Variants in IL36RN observed in about 807,000 individuals in gnomAD.
IL36RN encodes interleukin-36 receptor antagonist protein.
A neutral mutation model predicts 13.0 loss-of-function variants in IL36RN; 11 were observed. That is an observed-to-expected ratio of 0.85 (90% CI 0.53 to 1.40). The LOEUF is 1.40. Ranked by LOEUF, IL36RN falls within the 40% of genes most tolerant of loss-of-function variation. The pLI is 0.00. For missense variants in IL36RN, 195 were observed against 195.3 expected (o/e 1.00, Z 0.01); for synonymous variants, 94 against 84.1 (o/e 1.12, Z -0.64).
At position 113,062,782 on chromosome 2, in the gene IL36RN, C is replaced by T. The variant is rs3207835; in HGVS notation, c.*105C>T. On this transcript the variant is annotated 3_prime_UTR_variant, in exon 5 of 5. Coordinates refer to ENST00000393200, the MANE Select transcript of IL36RN (RefSeq NM_012275.3). ...ACTCTCTCTGCTCTCAGGACCCCCA[C>T]GTCTGACTTAGTGGGCACCTGACCA... The T allele has an allele frequency of 3.8e-5, 39 of 1,034,902 alleles. No individual in the cohort carries two copies. The Admixed American group carries it at 4.8e-4, about 13-fold the overall frequency. 64.1% of individuals were successfully genotyped at this position (1,034,902 alleles called of 1,614,324 possible). A position where few individuals can be genotyped will look rare whatever the true frequency, so the allele number is the denominator to read the frequency against.
Position 113,063,012 on chromosome 2 carries a change from C to T in IL36RN, c.*335C>T. On this transcript the variant is annotated 3_prime_UTR_variant, in exon 5 of 5. Transcript: ENST00000393200. ...CTTAATGGTAACTGACCAGTGTTAC[C>T]CTGAGCCCCGCAGGCCAACCCATCC... The T allele has an allele frequency of 2.6e-6, 1 of 381,230 alleles. No homozygotes were observed. Among genetic ancestry groups the T allele is most frequent in the Non-Finnish European group, 5.1e-6 (1 of 197,886 alleles). The allele number at this position is 381,230 out of a possible 1,614,324, so 23.6% of individuals were successfully genotyped here.
At chr2:113,060,709 A>G in intron 2 of IL36RN, 143 bp from the exon 3 acceptor site, 1 of 711,030 alleles carries the variant, frequency 1.4e-6, no homozygotes, top group South Asian at 1.5e-5. Context: ...CAGGGCTGGG[A>G]GACAAGGCTG....
Position 113,062,790 on chromosome 2 carries a change from T to C in IL36RN, c.*113T>C. 1.1e-6 allele frequency: 1 copy of C among 944,198 alleles called. No individual in the cohort carries two copies. The allele number at this position is 944,198 out of a possible 1,614,324, so 58.5% of individuals were successfully genotyped here. A position where few individuals can be genotyped will look rare whatever the true frequency, so the allele number is the denominator to read the frequency against. On this transcript the variant is annotated 3_prime_UTR_variant, in exon 5 of 5. Transcript: ENST00000393200. ...TGCTCTCAGGACCCCCACGTCTGAC[T>C]TAGTGGGCACCTGACCACTTTGTCT...
rs1489293188 is a variant in IL36RN at position 113,062,960 on chromosome 2, G to T, written c.*283G>T. 2 of 439,142 alleles carry T rather than the reference G, an allele frequency of 4.6e-6. No homozygotes were observed. Among genetic ancestry groups the T allele is most frequent in the Non-Finnish European group, 4.2e-6 (1 of 235,468 alleles). The allele number at this position is 439,142 out of a possible 1,614,324, so 27.2% of individuals were successfully genotyped here. A position where few individuals can be genotyped will look rare whatever the true frequency, so the allele number is the denominator to read the frequency against. On this transcript the variant is annotated 3_prime_UTR_variant, in exon 5 of 5. Coordinates refer to ENST00000393200, the MANE Select transcript of IL36RN (RefSeq NM_012275.3). Reference sequence around the variant, plus strand: ...ATGAAAAGATTTCTGTGGAGGTGGGGTGGGGGAGTGGTGGGAATCATTCCT... The same window carrying T: ...ATGAAAAGATTTCTGTGGAGGTGGGTTGGGGGAGTGGTGGGAATCATTCCT...
In IL36RN at chr2:113,063,334, T is replaced by C. The variant is rs988709014; in HGVS notation, c.*657T>C. On this transcript the variant is annotated 3_prime_UTR_variant, in exon 5 of 5. Transcript: ENST00000393200. Reference sequence around the variant, plus strand: ...CCCAAGATACAATCAAAATCCCAGATGCTGGTCTCTATTCCCATGAAAAAG... The same window carrying C: ...CCCAAGATACAATCAAAATCCCAGACGCTGGTCTCTATTCCCATGAAAAAG... 1 of 157,504 alleles carries C rather than the reference T, an allele frequency of 6.3e-6. No homozygotes were observed. Among genetic ancestry groups the C allele is most frequent in the Admixed American group, 6.0e-5 (1 of 16,782 alleles). 9.8% of individuals were successfully genotyped at this position (157,504 alleles called of 1,614,324 possible).
rs1010398336 is a variant in IL36RN, at chr2:113,064,079, G to T, written c.*1402G>T. 2 of 152,110 alleles carry T rather than the reference G, an allele frequency of 1.3e-5. No individual in the cohort carries two copies. The highest frequency in any genetic ancestry group is 1.3e-4 in the Admixed American group (2 of 15,272). The allele number at this position is 152,110 out of a possible 1,614,324, so 9.4% of individuals were successfully genotyped here. ...GAGGACACAGAGACAGAGGAGATGC[G>T]GGGAAGACTATGTAAAGATGAAGGC... On this transcript the variant is annotated 3_prime_UTR_variant, in exon 5 of 5. Coordinates refer to ENST00000393200, the MANE Select transcript of IL36RN (RefSeq NM_012275.3).
At position 113,064,124 on chromosome 2, in the gene IL36RN, C is replaced by T. The variant is rs1443224541; in HGVS notation, c.*1447C>T. ...GAAGGCAGAGATCGGAGTTTTGCAG[C>T]CACAAGCTAAGAAACACCAAGGATT... On this transcript the variant is annotated 3_prime_UTR_variant, in exon 5 of 5. Coordinates refer to ENST00000393200, the MANE Select transcript of IL36RN (RefSeq NM_012275.3). 1.3e-5 allele frequency: 2 copies of T among 152,042 alleles called. No individual in the cohort carries two copies. The highest frequency in any genetic ancestry group is 3.9e-4 in the East Asian group (2 of 5,194). The allele number at this position is 152,042 out of a possible 1,614,324, so 9.4% of individuals were successfully genotyped here.
At chr2:113,060,794 C>T in intron 2 of IL36RN, 58 bp from the exon 3 acceptor site, 1 of 1,209,982 alleles carries the variant, frequency 8.3e-7, no homozygotes, top group South Asian at 1.2e-5. Flanking sequence ...GGATCCAGGG[C>T]ATGCTGGAGT....
intron 3 of IL36RN, among the ~76,000 whole-genome samples, chr2:113,061,590 G>A (rs1685640368): frequency 6.6e-6 from 1 of 151,680 alleles, no homozygotes; most frequent in Non-Finnish European, 1.5e-5. Flanking sequence ...GTGCATGCAT[G>A]TATCTGTGTG....
chr2:113,062,153 T>C lies in IL36RN; in HGVS notation c.145T>C (p.Trp49Arg). The C allele has an allele frequency of 6.2e-7, 1 of 1,613,994 alleles. No homozygotes were observed. Among genetic ancestry groups the C allele is most frequent in the Non-Finnish European group, 8.5e-7 (1 of 1,179,930 alleles). The change falls in exon 4 of 5, where the codon TGG becomes CGG. Residue 49 changes from tryptophan (W) to arginine (R), a missense_variant. Coordinates refer to ENST00000393200, the MANE Select transcript of IL36RN (RefSeq NM_012275.3). ...GEEISVVPNR[W>R]LDASLSPVIL... ...AGAGATCAGCGTGGTCCCCAATCGGTGGCTGGATGCCAGCCTGTCCCCCGT... is the reference window on the plus strand; with the variant it reads ...AGAGATCAGCGTGGTCCCCAATCGGCGGCTGGATGCCAGCCTGTCCCCCGT...
At chr2:113,062,029 G>T (rs1685650395) in intron 3 of IL36RN, 95 bp from the exon 4 acceptor site, 2 of 1,533,392 alleles carry the variant, frequency 1.3e-6, no homozygotes, top group Admixed American at 1.9e-5. Context: ...CCTGGGGGCA[G>T]GCCGTCTTAC....
In IL36RN at chr2:113,064,077, G is replaced by C. The variant is rs988643711; in HGVS notation, c.*1400G>C. 3.3e-5 allele frequency: 5 copies of C among 152,160 alleles called. No individual in the cohort carries two copies. The highest frequency in any genetic ancestry group is 1.2e-4 in the African/African-American group (5 of 41,440). The allele number at this position is 152,160 out of a possible 1,614,324, so 9.4% of individuals were successfully genotyped here. ...GAGAGGACACAGAGACAGAGGAGAT[G>C]CGGGGAAGACTATGTAAAGATGAAG... On this transcript the variant is annotated 3_prime_UTR_variant, in exon 5 of 5. Transcript: ENST00000393200.
chr2:113,059,491 G>A (rs757701707), intron 2 of IL36RN, 24 bp downstream of exon 2: 1 of 1,613,612 alleles, frequency 6.2e-7, no homozygotes, highest in Admixed American at 1.7e-5. Context: ...GCCCTGGTTT[G>A]GTGGTGTCCT....
chr2:113,061,736 C>A (rs1685644316), intron 3 of IL36RN, among the ~76,000 whole-genome samples: 1 of 152,092 alleles, frequency 6.6e-6, no homozygotes. Context: ...AGGAATGAGA[C>A]CCTCTTTTGC....
chr2:113,063,649 C>T lies in IL36RN; in HGVS notation c.*972C>T, dbSNP rs962359609. ...AGACATCATCTCTGATTGTCCTCAG[C>T]CTCCACTTCCCCAGAGTAAATTCAA... On this transcript the variant is annotated 3_prime_UTR_variant, in exon 5 of 5. Transcript: ENST00000393200. 10 of 152,162 alleles carry T rather than the reference C, an allele frequency of 6.6e-5. No homozygotes were observed. Among genetic ancestry groups the T allele is most frequent in the African/African-American group, 2.4e-4 (10 of 41,420 alleles). The allele number at this position is 152,162 out of a possible 1,614,324, so 9.4% of individuals were successfully genotyped here.
At chr2:113,061,798 G>A (rs947517781) in intron 3 of IL36RN, among the ~76,000 whole-genome samples, 1 of 152,058 alleles carries the variant, frequency 6.6e-6, no homozygotes. Context: ...TCCAAAGGGG[G>A]GCTTATCAAG....
chr2:113,060,910 G>C lies in IL36RN; in HGVS notation c.88G>C (p.Gly30Arg). ...YLHNNQLLAG[G>R]LHAGKVIKGE... ...GCATAATAACCAGCTTCTAGCTGGA[G>C]GGCTGCATGCAGGGAAGGTCATTAA... The change falls in exon 3 of 5, where the codon GGG becomes CGG. Residue 30 changes from glycine (G) to arginine (R), a missense_variant. By Grantham distance (125) the Gly-to-Arg change is moderately radical. Transcript: ENST00000393200. 1 of 1,614,066 alleles carries C rather than the reference G, an allele frequency of 6.2e-7. No homozygotes were observed. The highest frequency in any genetic ancestry group is 8.5e-7 in the Non-Finnish European group (1 of 1,179,902).
chr2:113,062,884 G>A lies in IL36RN; in HGVS notation c.*207G>A. On this transcript the variant is annotated 3_prime_UTR_variant, in exon 5 of 5. Transcript: ENST00000393200. ...CCACGGTCCTCCCCCACTGGATGGT[G>A]CTACTGCTGTGGAATCTTGTAAAAA... 1.6e-6 allele frequency: 1 copy of A among 617,806 alleles called. No homozygotes were observed. The highest frequency in any genetic ancestry group is 2.8e-5 in the East Asian group (1 of 35,866). The allele number at this position is 617,806 out of a possible 1,614,324, so 38.3% of individuals were successfully genotyped here.
chr2:113,061,905 A>C (rs934990006), intron 3 of IL36RN, among the ~76,000 whole-genome samples: 3 of 152,174 alleles, frequency 2.0e-5, no homozygotes, highest in African/African-American at 7.2e-5. Flanking sequence ...ACCCTGAACT[A>C]GAGGGTGGAG....
Sources: gnomAD v4.1 joint callset for allele counts (sites outside exome capture counted in the v4.1 genomes callset) on GRCh38, gnomAD v4.1.1 for gene constraint, MANE v1.5 for transcripts, NCBI Gene and HGNC (gene_info 2026-07-23, HGNC 2026-07-21) for gene names.